PTPRD: variants seen among roughly 807,000 people sequenced by gnomAD.
PTPRD encodes the protein receptor-type tyrosine-protein phosphatase delta.
Under a neutral mutation model 214.5 loss-of-function variants are expected in PTPRD, and 34 were observed. The observed-to-expected ratio is 0.16, with a 90% CI of 0.12 to 0.21. PTPRD has a LOEUF of 0.21. Ranked by LOEUF, PTPRD falls within the 10% of genes least tolerant of loss-of-function variation. The probability of loss-of-function intolerance (pLI) is 1.00; values close to 1 mark genes in which losing one functional copy is unlikely to be tolerated. For missense variants in PTPRD, 2,545 were observed against 2,398.7 expected (o/e 1.06, Z -1.27); for synonymous variants, 1,128 against 845.7 (o/e 1.33, Z -5.79).
chr9:9,061,503 C>A (rs2099707322), intron 10 of PTPRD, among the ~76,000 whole-genome samples: 1 of 152,058 alleles, frequency 6.6e-6, no homozygotes, highest in South Asian at 2.1e-4. Flanking sequence ...TGCCTTCCTC[C>A]TTTTCTCTTT....
chr9:9,772,959 C>T (rs2098764947), intron 5 of PTPRD, among the ~76,000 whole-genome samples: 1 of 152,126 alleles, frequency 6.6e-6, no homozygotes, highest in South Asian at 2.1e-4. Flanking sequence ...TAGTCCCCTT[C>T]TTTCTAAAAA....
chr9:10,373,608 C>G (rs552247741), intron 2 of PTPRD, among the ~76,000 whole-genome samples: 2 of 152,086 alleles, frequency 1.3e-5, no homozygotes, highest in Non-Finnish European at 2.9e-5. Context: ...AATTGTGTCT[C>G]TTATTGCAGG....
At chr9:8,502,312 G>C (rs955357827) in intron 23 of PTPRD, among the ~76,000 whole-genome samples, 13 of 152,120 alleles carry the variant, frequency 8.5e-5, no homozygotes, top group African/African-American at 2.9e-4. Context: ...GTATATGGTA[G>C]ACTGAATAAA....
chr9:9,311,946 T>G (rs1260876607), intron 9 of PTPRD, among the ~76,000 whole-genome samples: 1 of 152,160 alleles, frequency 6.6e-6, no homozygotes, highest in Non-Finnish European at 1.5e-5. Flanking sequence ...CAATAATAGG[T>G]TTTAAGATCC....
intron 8 of PTPRD, among the ~76,000 whole-genome samples, chr9:9,486,396 T>C (rs1454261844): frequency 6.6e-6 from 1 of 152,038 alleles, no homozygotes; most frequent in Admixed American, 6.6e-5. Flanking sequence ...CCAATGGACT[T>C]TAACAAAAAA....
intron 4 of PTPRD, among the ~76,000 whole-genome samples, chr9:9,969,155 T>C (rs892249325): frequency 1.3e-5 from 2 of 151,564 alleles, no homozygotes; most frequent in African/African-American, 2.4e-5. Context: ...TGAGGTTACA[T>C]AGAAATTAGG....
intron 6 of PTPRD, among the ~76,000 whole-genome samples, chr9:9,747,536 TTTG>T (rs1477108391): frequency 0.023 from 1,865 of 79,868 alleles, 15 homozygotes; most frequent in Middle Eastern, 0.071. Context: ...CTGAATCTTT[TTTG>T]TTTTTTTTTT....
intron 3 of PTPRD, among the ~76,000 whole-genome samples, chr9:10,327,078 A>G (rs1352072737): frequency 3.3e-5 from 5 of 150,906 alleles, no homozygotes; most frequent in African/African-American, 1.2e-4. Flanking sequence ...AGAGGCACTG[A>G]AGACATTAAA....
At chr9:8,494,970 C>T (rs1022803507) in intron 26 of PTPRD, among the ~76,000 whole-genome samples, 2 of 152,028 alleles carry the variant, frequency 1.3e-5, no homozygotes, top group African/African-American at 2.4e-5. Flanking sequence ...GCTTCTTGTC[C>T]CTGACTGTTA....
chr9:8,870,955 C>A (rs1176473670), intron 11 of PTPRD, among the ~76,000 whole-genome samples: 1 of 152,162 alleles, frequency 6.6e-6, no homozygotes, highest in Non-Finnish European at 1.5e-5. Context: ...AGGCTTTATG[C>A]CTTTTATTCC....
At chr9:10,369,845 G>C (rs1159615938) in intron 2 of PTPRD, among the ~76,000 whole-genome samples, 1 of 151,964 alleles carries the variant, frequency 6.6e-6, no homozygotes, top group Non-Finnish European at 1.5e-5. Context: ...TCTCGGTTAA[G>C]TTTTAAGAAA....
At chr9:10,300,648 G>A (rs2095835191) in intron 3 of PTPRD, among the ~76,000 whole-genome samples, 1 of 152,178 alleles carries the variant, frequency 6.6e-6, no homozygotes, top group Non-Finnish European at 1.5e-5. Context: ...AAAGCCACCA[G>A]GAAGTTTGAA....
At chr9:8,628,081 A>G (rs961019211) in intron 14 of PTPRD, among the ~76,000 whole-genome samples, 11 of 151,978 alleles carry the variant, frequency 7.2e-5, no homozygotes, top group Admixed American at 6.6e-4. Flanking sequence ...AGTCTTTCAT[A>G]AAAATCCTTT....
chr9:8,333,224 A>C (rs137859112), intron 43 of PTPRD, among the ~76,000 whole-genome samples: 2,000 of 152,272 alleles, frequency 0.013, 25 homozygotes, highest in Middle Eastern at 0.031. Flanking sequence ...CTGTTTCTGG[A>C]AAAGATTTGG....
intron 12 of PTPRD, among the ~76,000 whole-genome samples, chr9:8,675,729 T>C (rs540210186): frequency 4.3e-4 from 66 of 152,130 alleles, no homozygotes; most frequent in Non-Finnish European, 8.2e-4. Context: ...ACAGATCTTA[T>C]CTCCATCACC....
At chr9:8,767,866 G>C (rs73423094) in intron 11 of PTPRD, among the ~76,000 whole-genome samples, 6,702 of 151,782 alleles carry the variant, frequency 0.044, 376 homozygotes, top group African/African-American at 0.13. Flanking sequence ...ACAGTAAAAA[G>C]AAAAAAGACC....
intron 7 of PTPRD, among the ~76,000 whole-genome samples, chr9:9,733,389 G>T (rs903087701): frequency 6.6e-6 from 1 of 152,138 alleles, no homozygotes; most frequent in Non-Finnish European, 1.5e-5. Flanking sequence ...TTTTCTGTTT[G>T]TGTGCAATAA....
intron 8 of PTPRD, among the ~76,000 whole-genome samples, chr9:9,415,035 T>G (rs187668270): frequency 6.6e-6 from 1 of 152,204 alleles, no homozygotes; most frequent in Non-Finnish European, 1.5e-5. Flanking sequence ...TGCATTTTCA[T>G]TGCATTTTGA....
rs10977692 is a variant in PTPRD at position 9,381,817 on chromosome 9, T to C, written c.-203+15632A>G. 3.3e-5 allele frequency among the ~76,000 whole-genome samples: 5 copies of C among 152,180 alleles called. No homozygotes were observed. The East Asian group carries it at 9.7e-4, about 29-fold the overall frequency. On this transcript the variant is annotated intron_variant, in intron 9 of 45. Transcript: ENST00000381196. ...GAAATCAAGAAGTGGGATCTCCAGC[T>C]TATGTCTTTTTTTCCCCAAGATTGC...
Sources: allele counts gnomAD v4.1 joint callset (sites outside exome capture counted in the v4.1 genomes callset), GRCh38; gene constraint gnomAD v4.1.1; transcripts MANE v1.5; gene names NCBI Gene and HGNC (gene_info 2026-07-23, HGNC 2026-07-21).